TXLNB: variants seen among roughly 807,000 people sequenced by gnomAD.
The protein encoded by TXLNB is beta-taxilin.
A neutral mutation model predicts 57.4 loss-of-function variants in TXLNB; 37 were observed. That is an observed-to-expected ratio of 0.64 (90% CI 0.50 to 0.85). TXLNB has a LOEUF of 0.85. TXLNB is among the 40% of genes least tolerant of loss of function. The probability of loss-of-function intolerance (pLI) is 0.00; values close to 1 mark genes in which losing one functional copy is unlikely to be tolerated. For synonymous variants in TXLNB, 302 were observed against 309.6 expected, an observed-to-expected ratio of 0.98 and a Z score of 0.26; for missense variants, 848 against 825.6, an observed-to-expected ratio of 1.03 and a Z score of -0.33.
rs773013610 is a variant in TXLNB at position 139,262,650 on chromosome 6, G to A, written c.811C>T (p.Leu271Phe). ...IEQQSERNMKLCQENTELAEK... is the reference protein window; with the variant it reads ...IEQQSERNMKFCQENTELAEK... ...GCAAGCTCTGTGTTCTCCTGACAGA[G>A]CTTCATATTTCGCTCACTCTGCTGC... Residue 271 changes from leucine to phenylalanine, a missense_variant, in exon 5 of 10, where the codon CTC becomes TTC. Leu to Phe is a conservative substitution (Grantham distance 22). Transcript: ENST00000358430. The A allele has an allele frequency of 9.9e-6, 16 of 1,614,068 alleles. No individual in the cohort carries two copies. In the South Asian group the frequency reaches 1.6e-4, roughly 17 times the overall value.
the TXLNB span, among the ~76,000 whole-genome samples, chr6:139,323,713 C>G: frequency 2.6e-5 from 4 of 152,210 alleles, no homozygotes; most frequent in Non-Finnish European, 4.4e-5. Context: ...ATTGTCTTCT[C>G]TAGGCTTACT....
the TXLNB span, chr6:139,178,621 C>T: frequency 1.4e-5 from 2 of 147,898 alleles, no homozygotes; most frequent in Non-Finnish European, 3.0e-5. Context: ...GTCACCCAGG[C>T]TGGAGTGCAG....
the TXLNB span, among the ~76,000 whole-genome samples, chr6:139,322,901 C>T: frequency 1.3e-5 from 2 of 152,152 alleles, no homozygotes; most frequent in Non-Finnish European, 2.9e-5. Flanking sequence ...CTGGGTTTTC[C>T]CTGCTGTTGA....
chr6:139,275,819 C>G (rs1399166435), intron 3 of TXLNB, among the ~76,000 whole-genome samples: 3 of 152,150 alleles, frequency 2.0e-5, no homozygotes, highest in Non-Finnish European at 4.4e-5. Flanking sequence ...GAATTAGGCC[C>G]CGGGCCTCAA....
chr6:139,294,550 A>T (rs1777356513), upstream of TXLNB, among the ~76,000 whole-genome samples: 1 of 152,172 alleles, frequency 6.6e-6, no homozygotes. Context: ...TAGTGTTCTC[A>T]TAAAAAAGGT....
intron 2 of TXLNB, among the ~76,000 whole-genome samples, chr6:139,287,798 A>G (rs555160407): frequency 1.3e-5 from 2 of 152,272 alleles, no homozygotes; most frequent in South Asian, 4.1e-4. Flanking sequence ...GGTGTCACCA[A>G]TCTCCCATGC....
the TXLNB span, chr6:139,203,518 A>G: frequency 6.6e-6 from 1 of 152,122 alleles, no homozygotes; most frequent in Non-Finnish European, 1.5e-5. Context: ...TTTTCTTGAA[A>G]CACTTTCTTC....
chr6:139,304,509 A>C, the TXLNB span, among the ~76,000 whole-genome samples: 1 of 152,246 alleles, frequency 6.6e-6, no homozygotes, highest in Non-Finnish European at 1.5e-5. Flanking sequence ...CAGTAAAAGA[A>C]GGGCTCAAGA....
At chr6:139,307,629 T>C in the TXLNB span, among the ~76,000 whole-genome samples, 4 of 152,238 alleles carry the variant, frequency 2.6e-5, no homozygotes, top group African/African-American at 4.8e-5. Flanking sequence ...TTCCAAATTA[T>C]AGTTTTCTTG....
At chr6:139,218,090 T>C in the TXLNB span, among the ~76,000 whole-genome samples, 9 of 152,090 alleles carry the variant, frequency 5.9e-5, no homozygotes, top group Non-Finnish European at 1.0e-4. Context: ...CATTAGTGTC[T>C]TTCAGTATGG....
At chr6:139,229,822 G>T in the TXLNB span, among the ~76,000 whole-genome samples, 2 of 152,182 alleles carry the variant, frequency 1.3e-5, no homozygotes, top group African/African-American at 2.4e-5. Flanking sequence ...AGACTGGCTT[G>T]TGGTTGGTCT....
intron 3 of TXLNB, among the ~76,000 whole-genome samples, chr6:139,272,632 T>C (rs2114574212): frequency 6.6e-6 from 1 of 152,382 alleles, no homozygotes; most frequent in African/African-American, 2.4e-5. Flanking sequence ...GCTAAGCTGC[T>C]CATAGTATAG....
At chr6:139,266,880 G>C (rs561259090) in intron 4 of TXLNB, among the ~76,000 whole-genome samples, 1 of 151,740 alleles carries the variant, frequency 6.6e-6, no homozygotes, top group East Asian at 1.9e-4. Flanking sequence ...TATCACATAT[G>C]GGGGAACAAT....
At chr6:139,160,941 A>T in the TXLNB span, among the ~76,000 whole-genome samples, 4 of 152,194 alleles carry the variant, frequency 2.6e-5, no homozygotes, top group Non-Finnish European at 5.9e-5. Context: ...GAGGAAACAA[A>T]ACTGCTCAAT....
In TXLNB at chr6:139,243,013, G is replaced by T. The variant is rs375856658; in HGVS notation, c.1568C>A (p.Thr523Asn). 6.2e-7 allele frequency: 1 copy of T among 1,614,142 alleles called. No homozygotes were observed. The highest frequency in any genetic ancestry group is 2.2e-5 in the East Asian group (1 of 44,872). Residue 523 changes from threonine to asparagine, a missense_variant, in exon 10 of 10, where the codon ACC becomes AAC. Physicochemically the swap from Thr to Asn is moderately conservative, Grantham distance 65. Transcript: ENST00000358430. ...CTGAGAACTGCCTATTTCGGGTTGGGTTTCTTTGGACTGGTGCGGGGTTGA... is the reference window on the plus strand; with the variant it reads ...CTGAGAACTGCCTATTTCGGGTTGGTTTTCTTTGGACTGGTGCGGGGTTGA... ...PESTPHQSKE[T>N]QPEIGSSQES...
the TXLNB span, chr6:139,197,891 C>T: frequency 6.6e-6 from 1 of 152,290 alleles, no homozygotes; most frequent in Admixed American, 6.5e-5. Context: ...GCAGAAGGAC[C>T]AAGATGTAAA....
At chr6:139,203,136 T>C in the TXLNB span, among the ~76,000 whole-genome samples, 18 of 152,350 alleles carry the variant, frequency 1.2e-4, no homozygotes, top group African/African-American at 4.3e-4. Flanking sequence ...ATGTATTGTC[T>C]ATTATGACAA....
intron 2 of TXLNB, among the ~76,000 whole-genome samples, chr6:139,287,719 T>C (rs1777208129): frequency 6.6e-6 from 1 of 152,246 alleles, no homozygotes; most frequent in Non-Finnish European, 1.5e-5. Context: ...GACTTTCCTA[T>C]GTACAGTAAC....
the TXLNB span, among the ~76,000 whole-genome samples, chr6:139,219,064 A>G: frequency 6.6e-6 from 1 of 152,214 alleles, no homozygotes; most frequent in Non-Finnish European, 1.5e-5. Flanking sequence ...TGTCTAGCAC[A>G]GGGTAAGTAC....
Sources: allele counts gnomAD v4.1 joint callset (sites outside exome capture counted in the v4.1 genomes callset), GRCh38; gene constraint gnomAD v4.1.1; transcripts MANE v1.5; gene names NCBI Gene and HGNC (gene_info 2026-07-23, HGNC 2026-07-21).